PLXNA4: variants seen among roughly 807,000 people sequenced by gnomAD.
PLXNA4 encodes plexin-A4.
In PLXNA4, 44 loss-of-function variants were observed where a neutral mutation model predicts 191.8. That is an observed-to-expected ratio of 0.23 (90% CI 0.18 to 0.29). The LOEUF (loss-of-function observed/expected upper bound fraction) is 0.29. Among genes scored for constraint, PLXNA4 ranks in the 10% least tolerant of loss-of-function variants. The pLI, the probability that PLXNA4 is intolerant of heterozygous loss-of-function variation, is 1.00. For synonymous variants in PLXNA4, 1,082 were observed against 1,009.5 expected (o/e 1.07, Z -1.36); for missense variants, 1,800 against 2,488.8 (o/e 0.72, Z 5.89).
intron 1 of PLXNA4, among the ~76,000 whole-genome samples, chr7:132,533,228 G>A (rs1233984590): frequency 2.0e-5 from 3 of 152,178 alleles, no homozygotes; most frequent in African/African-American, 7.2e-5. Context: ...ACTCAGCACA[G>A]TATAAACACC....
chr7:132,455,649 C>T (rs1052242725), intron 3 of PLXNA4, among the ~76,000 whole-genome samples: 1 of 152,174 alleles, frequency 6.6e-6, no homozygotes, highest in Non-Finnish European at 1.5e-5. Flanking sequence ...TCCACACACA[C>T]CCTTTCTTTC....
intron 3 of PLXNA4, among the ~76,000 whole-genome samples, chr7:132,372,994 C>T (rs774539428): frequency 6.6e-6 from 1 of 152,266 alleles, no homozygotes; most frequent in South Asian, 2.1e-4. Context: ...CTATATAATG[C>T]CAAACATTTA....
chr7:132,419,814 C>G (rs1563088305), intron 3 of PLXNA4, among the ~76,000 whole-genome samples: 1 of 152,168 alleles, frequency 6.6e-6, no homozygotes, highest in Non-Finnish European at 1.5e-5. Context: ...CTGCCACAGA[C>G]AATACATAAA....
At chr7:132,168,153 C>G in intron 22 of PLXNA4, 151 bp downstream of exon 22, 1 of 1,171,948 alleles carries the variant, frequency 8.5e-7, no homozygotes. Context: ...CTAAGGGGGC[C>G]TGCAATGTAG....
At chr7:132,182,075 A>G in intron 17 of PLXNA4, 22 bp downstream of exon 17, 1 of 1,613,846 alleles carries the variant, frequency 6.2e-7, no homozygotes, top group Non-Finnish European at 8.5e-7. Context: ...GCCTCCATGA[A>G]CCCCATCAGC....
chr7:132,251,980 C>G (rs1245870576), intron 4 of PLXNA4, among the ~76,000 whole-genome samples: 1 of 152,226 alleles, frequency 6.6e-6, no homozygotes, highest in Non-Finnish European at 1.5e-5. Context: ...TAGGGCCCCA[C>G]TCTCAGAAGA....
chr7:132,507,562 C>T lies in PLXNA4; in HGVS notation c.1132G>A (p.Glu378Lys). 5 of 1,613,994 alleles carry T rather than the reference C, an allele frequency of 3.1e-6. No homozygotes were observed. Among genetic ancestry groups the T allele is most frequent in the South Asian group, 1.1e-5 (1 of 91,068 alleles). ...AGCCAGGCCAGGTCCAGCGTGCCCT[C>T]GCCCCGGTAACAAGACTGCAGCCGC... ...KERLQSCYRG[E>K]GTLDLAWLKV... Residue 378 changes from glutamate (E) to lysine (K), a missense_variant, in exon 2 of 32, where the codon GAG becomes AAG. By Grantham distance (56) the Glu-to-Lys change is moderately conservative (BLOSUM62 1). Coordinates refer to ENST00000321063, the MANE Select transcript of PLXNA4 (RefSeq NM_020911.2).
At position 132,241,160 on chromosome 7, in the gene PLXNA4, T is replaced by C. The variant is rs1562986828; in HGVS notation, c.1510A>G (p.Arg504Gly). The C allele has an allele frequency of 6.2e-7, 1 of 1,611,520 alleles. No individual in the cohort carries two copies. The highest frequency in any genetic ancestry group is 8.5e-7 in the Non-Finnish European group (1 of 1,178,248). The change falls in exon 5 of 32, where the codon AGA becomes GGA. Residue 504 changes from arginine to glycine, a missense_variant. Arg to Gly is a moderately radical substitution (Grantham distance 125). Coordinates refer to ENST00000321063, the MANE Select transcript of PLXNA4 (RefSeq NM_020911.2). ...LYIMSERQLT[R>G]VPVESCGQYQ... ...TGACCACAGGACTCCACAGGGACTC[T>C]GGTGAGCTAGGACAGCAGGATAGGG...
At chr7:132,628,035 C>T (rs182246473) in intron 2 of PLXNA4, among the ~76,000 whole-genome samples, 2 of 152,240 alleles carry the variant, frequency 1.3e-5, no homozygotes, top group East Asian at 3.9e-4. Flanking sequence ...GCTCTCTCTC[C>T]TCTTTTTCCA....
intron 2 of PLXNA4, among the ~76,000 whole-genome samples, chr7:132,606,427 G>A (rs1281646375): frequency 6.6e-6 from 1 of 152,188 alleles, no homozygotes; most frequent in Non-Finnish European, 1.5e-5. Context: ...GTAACAAAAG[G>A]GAAACCAACC....
chr7:132,235,264 C>T (rs1419257195), intron 5 of PLXNA4, among the ~76,000 whole-genome samples: 1 of 152,184 alleles, frequency 6.6e-6, no homozygotes, highest in African/African-American at 2.4e-5. Flanking sequence ...GTAGGCCCAG[C>T]GAGGGGCTTC....
At chr7:132,174,736 C>T (rs374282003) in intron 21 of PLXNA4, 42 bp downstream of exon 21, 8 of 1,592,250 alleles carry the variant, frequency 5.0e-6, no homozygotes, top group Middle Eastern at 1.7e-4. Flanking sequence ...ATTGCCAACA[C>T]GCTCCCCTGC....
intron 4 of PLXNA4, among the ~76,000 whole-genome samples, chr7:132,273,847 C>T (rs1177829496): frequency 1.3e-5 from 2 of 152,128 alleles, no homozygotes; most frequent in Non-Finnish European, 2.9e-5. Context: ...CCAGAAGTCT[C>T]ACTTGAGGAA....
chr7:132,428,500 A>T (rs998995178), intron 3 of PLXNA4, among the ~76,000 whole-genome samples: 6 of 152,198 alleles, frequency 3.9e-5, no homozygotes, highest in Admixed American at 1.3e-4. Context: ...AGAAAGGGAA[A>T]ACAGCTGGGT....
At chr7:132,244,393 C>G (rs1329034579) in intron 4 of PLXNA4, among the ~76,000 whole-genome samples, 3 of 152,224 alleles carry the variant, frequency 2.0e-5, no homozygotes, top group African/African-American at 4.8e-5. Flanking sequence ...AGACAATCAT[C>G]TGGGCAGCTA....
chr7:132,339,830 A>G (rs537779909), intron 3 of PLXNA4, among the ~76,000 whole-genome samples: 2 of 152,276 alleles, frequency 1.3e-5, no homozygotes, highest in South Asian at 2.1e-4. Context: ...AGATTATAGA[A>G]TATTTGATTT....
At position 132,354,446 on chromosome 7, in the gene PLXNA4, C is replaced by T. The variant is rs181597658; in HGVS notation, c.1372-56224G>A. Among the ~76,000 whole-genome samples the T allele has an allele frequency of 3.5e-4, 54 of 152,294 alleles. 1 individual carries two copies. Among genetic ancestry groups the T allele is most frequent in the African/African-American group, 1.3e-3 (53 of 41,568 alleles). On this transcript the variant is annotated intron_variant, in intron 3 of 31. Coordinates refer to ENST00000321063, the MANE Select transcript of PLXNA4 (RefSeq NM_020911.2). ...TCTTCTTTCCCCATCAGGGAATAGA[C>T]TATTCTGATGGCAGAGGGTGGTAGG...
At chr7:132,316,993 G>A (rs1801968235) in intron 3 of PLXNA4, among the ~76,000 whole-genome samples, 4 of 152,078 alleles carry the variant, frequency 2.6e-5, no homozygotes, top group Admixed American at 2.0e-4. Flanking sequence ...TATTGGATTG[G>A]ATTAGGTTGG....
In PLXNA4 at chr7:132,343,176, T is replaced by C. The variant is rs200566915; in HGVS notation, c.1372-44954A>G. Among the ~76,000 whole-genome samples, 27 of 152,194 alleles carry C rather than the reference T, an allele frequency of 1.8e-4. No individual in the cohort carries two copies. In the East Asian group the frequency reaches 4.5e-3, roughly 25 times the overall value. ...GGAAGCTACTTTGAAATAATACAAA[T>C]TAGACTGGGTGAGATCCTTCCATGG... is the stretch of plus-strand genomic sequence containing the variant. On this transcript the variant is annotated intron_variant, in intron 3 of 31. Transcript: ENST00000321063.
Sources: gnomAD v4.1 joint callset for allele counts (sites outside exome capture counted in the v4.1 genomes callset) on GRCh38, gnomAD v4.1.1 for gene constraint, MANE v1.5 for transcripts, NCBI Gene and HGNC (gene_info 2026-07-23, HGNC 2026-07-21) for gene names.